The following RBFOX1 variants were observed in gnomAD, a reference collection of about 807,000 sequenced individuals.
RBFOX1 encodes the protein RNA binding protein fox-1 homolog 1.
A neutral mutation model predicts 57.7 loss-of-function variants in RBFOX1; 8 were observed. The ratio of observed to expected loss-of-function variants is 0.14; its 90% CI spans 0.08 to 0.25. RBFOX1 has a LOEUF of 0.25. RBFOX1 is among the 10% of genes least tolerant of loss of function. RBFOX1 has a pLI of 1.00. For missense variants in RBFOX1, 611 were observed against 548.5 expected (o/e 1.11, Z -1.14); for synonymous variants, 326 against 222.4 (o/e 1.47, Z -4.15).
intron 3 of RBFOX1, among the ~76,000 whole-genome samples, chr16:7,050,614 A>G (rs2049733862): frequency 6.6e-6 from 1 of 152,102 alleles, no homozygotes; most frequent in African/African-American, 2.4e-5. Flanking sequence ...TTAACCCAAG[A>G]TAGGAACCAT....
intron 3 of RBFOX1, among the ~76,000 whole-genome samples, chr16:7,000,543 T>G (rs1385248956): frequency 6.6e-6 from 1 of 151,724 alleles, no homozygotes; most frequent in Non-Finnish European, 1.5e-5. Flanking sequence ...CAATTTTGCT[T>G]TTGGCAAAAA....
At chr16:5,943,723 T>G (rs1386277113) in intron 4 of RBFOX1, among the ~76,000 whole-genome samples, 1 of 152,168 alleles carries the variant, frequency 6.6e-6, no homozygotes, top group Non-Finnish European at 1.5e-5. Flanking sequence ...GTATCAACAG[T>G]TTGCCAAGTA....
rs188187538 is a variant in RBFOX1 at position 7,478,743 on chromosome 16, C to T, written c.28-39404C>T. 3.2e-4 allele frequency among the ~76,000 whole-genome samples: 48 copies of T among 152,190 alleles called. No homozygotes were observed. The East Asian group carries it at 8.3e-3, about 26-fold the overall frequency. ...GCTTTCCTTTTAGCTAAAAGGAACC[C>T]AAAACTGACTCCGCTTATTGCTGGA... On this transcript the variant is annotated intron_variant, in intron 4 of 15. Transcript: ENST00000550418.
chr16:5,452,586 T>G (rs981146011), intron 1 of RBFOX1, among the ~76,000 whole-genome samples: 2 of 152,070 alleles, frequency 1.3e-5, no homozygotes, highest in African/African-American at 4.8e-5. Flanking sequence ...TGCCCTGCCT[T>G]ACCTGTCCCT....
intron 4 of RBFOX1, among the ~76,000 whole-genome samples, chr16:7,210,883 A>G (rs748909586): frequency 6.6e-6 from 1 of 152,048 alleles, no homozygotes; most frequent in Non-Finnish European, 1.5e-5. Context: ...AATTTGCCAA[A>G]AGGGTAGATT....
chr16:6,997,720 C>T (rs538888607), intron 3 of RBFOX1, among the ~76,000 whole-genome samples: 1 of 152,076 alleles, frequency 6.6e-6, no homozygotes, highest in African/African-American at 2.4e-5. Flanking sequence ...TAGTATAAAT[C>T]TTGTAATGGA....
chr16:7,014,154 C>G (rs1241307706), intron 3 of RBFOX1, among the ~76,000 whole-genome samples: 6 of 152,196 alleles, frequency 3.9e-5, no homozygotes, highest in African/African-American at 1.2e-4. Flanking sequence ...AAGAACTGTC[C>G]AAGGTGCTGA....
At position 5,742,719 on chromosome 16, in the gene RBFOX1, C is replaced by T. The variant is rs369268518; in HGVS notation, c.319-124584C>T. Among the ~76,000 whole-genome samples the T allele has an allele frequency of 9.2e-5, 14 of 152,234 alleles. No homozygotes were observed. The South Asian group carries it at 2.1e-3, about 23-fold the overall frequency. ...GGTATCATATATGACTTAAAGAAAGCGAAGTGAGTGAGGACCTTGTTTACG... is the reference window on the plus strand; with the variant it reads ...GGTATCATATATGACTTAAAGAAAGTGAAGTGAGTGAGGACCTTGTTTACG... On this transcript the variant is annotated intron_variant, in intron 3 of 19. Coordinates refer to the RBFOX1 transcript ENST00000641259.
At chr16:5,707,271 C>T (rs1376247662) in intron 3 of RBFOX1, among the ~76,000 whole-genome samples, 2 of 152,168 alleles carry the variant, frequency 1.3e-5, no homozygotes, top group Non-Finnish European at 2.9e-5. Flanking sequence ...AATCTCTGGG[C>T]TTGGCTGCAG....
intron 6 of RBFOX1, 76 bp downstream of exon 6, chr16:7,579,996 G>T (rs2093629057): frequency 6.6e-7 from 1 of 1,504,052 alleles, no homozygotes; most frequent in Non-Finnish European, 9.2e-7. Flanking sequence ...TAAGTTTGGG[G>T]TATTTACAAT....
intron 3 of RBFOX1, chr16:5,838,721 T>C (rs183021217): frequency 1.3e-5 from 2 of 152,352 alleles, no homozygotes; most frequent in East Asian, 3.9e-4. Flanking sequence ...TGGATGAATA[T>C]CTTCATTGCT....
chr16:7,070,541 T>C (rs185793121), intron 4 of RBFOX1, among the ~76,000 whole-genome samples: 1 of 152,332 alleles, frequency 6.6e-6, no homozygotes, highest in Non-Finnish European at 1.5e-5. Context: ...GGCATGTTTT[T>C]ATAGATGTCT....
intron 1 of RBFOX1, among the ~76,000 whole-genome samples, chr16:6,087,260 G>C (rs1275659929): frequency 6.6e-6 from 1 of 152,220 alleles, no homozygotes; most frequent in African/African-American, 2.4e-5. Flanking sequence ...TCCTTAGGCA[G>C]AAATTGAAAC....
chr16:5,256,186 C>A (rs1473492523), intron 1 of RBFOX1, among the ~76,000 whole-genome samples: 1 of 152,124 alleles, frequency 6.6e-6, no homozygotes, highest in Non-Finnish European at 1.5e-5. Flanking sequence ...AAAAAAGTTC[C>A]CCATTGAATT....
chr16:7,514,952 A>G (rs966461861), intron 4 of RBFOX1, among the ~76,000 whole-genome samples: 12 of 152,200 alleles, frequency 7.9e-5, no homozygotes, highest in African/African-American at 2.4e-4. Context: ...TTGTCTTCAT[A>G]TGATCATTGT....
chr16:7,349,075 G>A (rs562405140), intron 4 of RBFOX1, among the ~76,000 whole-genome samples: 82 of 152,288 alleles, frequency 5.4e-4, no homozygotes, highest in African/African-American at 2.0e-3. Flanking sequence ...TAGTTTTGGA[G>A]AAAATAAAAA....
intron 4 of RBFOX1, among the ~76,000 whole-genome samples, chr16:6,010,337 C>T (rs978679495): frequency 1.3e-5 from 2 of 152,186 alleles, no homozygotes; most frequent in Admixed American, 6.5e-5. Flanking sequence ...ATTCCAGCTC[C>T]CTTGCCCCGG....
At chr16:7,632,678 C>T in intron 11 of RBFOX1, among the ~76,000 whole-genome samples, 1 of 152,136 alleles carries the variant, frequency 6.6e-6, no homozygotes, top group South Asian at 2.1e-4. Flanking sequence ...AGGGCTGGGT[C>T]CTAGAGTATT....
intron 4 of RBFOX1, among the ~76,000 whole-genome samples, chr16:7,251,392 C>T (rs757336827): frequency 4.6e-4 from 67 of 145,556 alleles, no homozygotes; most frequent in Non-Finnish European, 8.3e-4. Flanking sequence ...AGATACAGAG[C>T]ATACTTCTGT....
Sources: allele counts gnomAD v4.1 joint callset (sites outside exome capture counted in the v4.1 genomes callset), GRCh38; gene constraint gnomAD v4.1.1; transcripts MANE v1.5; gene names NCBI Gene and HGNC (gene_info 2026-07-23, HGNC 2026-07-21).